Variants in PTPRG observed in about 807,000 individuals in gnomAD.
PTPRG encodes the protein protein tyrosine phosphatase receptor type G.
Under a neutral mutation model 165.3 loss-of-function variants are expected in PTPRG, and 102 were observed. That is an observed-to-expected ratio of 0.62 (90% CI 0.53 to 0.73). The LOEUF is 0.73. Ranked by LOEUF, PTPRG falls within the 30% of genes least tolerant of loss-of-function variation. The pLI is 0.00. For missense variants in PTPRG, 1,866 were observed against 1,861.4 expected, an observed-to-expected ratio of 1.00 and a Z score of -0.05; for synonymous variants, 675 against 669.5, an observed-to-expected ratio of 1.01 and a Z score of -0.13.
At chr3:62,181,239 C>G (rs1009536957) in intron 8 of PTPRG, among the ~76,000 whole-genome samples, 1 of 152,164 alleles carries the variant, frequency 6.6e-6, no homozygotes, top group South Asian at 2.1e-4. Flanking sequence ...AAGAAGGTGG[C>G]GGGCTAGCCA....
intron 1 of PTPRG, chr3:61,742,730 C>T (rs999657735): frequency 4.3e-6 from 7 of 1,609,910 alleles, no homozygotes; most frequent in Middle Eastern, 1.7e-4. Context: ...TTATTTAGAC[C>T]TGGGCCGAGG....
intron 1 of PTPRG, among the ~76,000 whole-genome samples, chr3:61,649,675 AT>A (rs1252955618): frequency 6.6e-6 from 1 of 152,236 alleles, no homozygotes; most frequent in African/African-American, 2.4e-5. Flanking sequence ...GCAGGGCTAA[AT>A]CAGCATAATA....
At chr3:61,988,935 T>G (rs1420995231) in intron 2 of PTPRG, among the ~76,000 whole-genome samples, 1 of 152,232 alleles carries the variant, frequency 6.6e-6, no homozygotes, top group Non-Finnish European at 1.5e-5. Context: ...CTTCATTTAT[T>G]TCTGTGGCAT....
intron 2 of PTPRG, among the ~76,000 whole-genome samples, chr3:61,933,252 C>T (rs908192465): frequency 6.6e-6 from 1 of 152,146 alleles, no homozygotes; most frequent in East Asian, 1.9e-4. Context: ...GGTGGTGAAT[C>T]AAAATGATGC....
chr3:62,170,183 T>C (rs1705163040), intron 8 of PTPRG, among the ~76,000 whole-genome samples: 1 of 152,100 alleles, frequency 6.6e-6, no homozygotes, highest in Non-Finnish European at 1.5e-5. Flanking sequence ...CTCACAAACC[T>C]GTGAAATATC....
intron 1 of PTPRG, among the ~76,000 whole-genome samples, chr3:61,622,494 C>A (rs1329112612): frequency 2.0e-5 from 3 of 151,956 alleles, no homozygotes; most frequent in African/African-American, 7.3e-5. Flanking sequence ...TTAGGACCTG[C>A]CACCCATTTT....
At chr3:62,092,916 C>G (rs1701989839) in intron 5 of PTPRG, among the ~76,000 whole-genome samples, 1 of 152,192 alleles carries the variant, frequency 6.6e-6, no homozygotes, top group Non-Finnish European at 1.5e-5. Flanking sequence ...GAAAGGCATT[C>G]TCACCTAACA....
At chr3:61,987,876 T>C (rs2040799032) in intron 2 of PTPRG, among the ~76,000 whole-genome samples, 1 of 152,118 alleles carries the variant, frequency 6.6e-6, no homozygotes, top group African/African-American at 2.4e-5. Context: ...AATATGTAGA[T>C]GCAAGATGAA....
At chr3:62,103,833 T>C (rs1427490544) in intron 5 of PTPRG, among the ~76,000 whole-genome samples, 1 of 152,224 alleles carries the variant, frequency 6.6e-6, no homozygotes, top group African/African-American at 2.4e-5. Flanking sequence ...TCTCAACAGC[T>C]TGTAGAGTGT....
intron 2 of PTPRG, among the ~76,000 whole-genome samples, chr3:61,838,055 A>G (rs1266479526): frequency 1.3e-5 from 2 of 152,194 alleles, no homozygotes; most frequent in African/African-American, 2.4e-5. Context: ...GAGGGCTTCA[A>G]CATATGAATG....
At chr3:62,056,769 C>A (rs1308139938) in intron 4 of PTPRG, among the ~76,000 whole-genome samples, 1 of 152,162 alleles carries the variant, frequency 6.6e-6, no homozygotes. Flanking sequence ...AGAGGAATGA[C>A]ATGTGGCTAA....
intron 28 of PTPRG, 26 bp from the exon 29 acceptor site, chr3:62,292,395 T>C (rs1702928565): frequency 6.2e-7 from 1 of 1,601,016 alleles, no homozygotes; most frequent in Admixed American, 1.7e-5. Flanking sequence ...ACATCTGAAA[T>C]CGTATCTTTT....
chr3:61,858,213 T>G (rs974313974), intron 2 of PTPRG, among the ~76,000 whole-genome samples: 2 of 152,162 alleles, frequency 1.3e-5, no homozygotes, highest in African/African-American at 4.8e-5. Flanking sequence ...TAGTACTGAA[T>G]AGGAAAGCCA....
chr3:61,885,463 C>T (rs2038002410), intron 2 of PTPRG, among the ~76,000 whole-genome samples: 3 of 151,158 alleles, frequency 2.0e-5, no homozygotes, highest in Non-Finnish European at 2.9e-5. Context: ...CGTGAGGACT[C>T]GTGTATGTGC....
intron 1 of PTPRG, among the ~76,000 whole-genome samples, chr3:61,595,981 C>T (rs925581174): frequency 6.6e-6 from 1 of 152,142 alleles, no homozygotes; most frequent in Non-Finnish European, 1.5e-5. Flanking sequence ...GTAATTTATA[C>T]ATAGCCTACG....
chr3:61,823,922 C>T (rs535497849), intron 2 of PTPRG, among the ~76,000 whole-genome samples: 235 of 152,106 alleles, frequency 1.5e-3, no homozygotes, highest in African/African-American at 5.2e-3. Context: ...GTCAGGAGAT[C>T]GAGACCATCC....
chr3:62,148,307 G>A (rs1704198121), intron 6 of PTPRG, among the ~76,000 whole-genome samples: 1 of 152,122 alleles, frequency 6.6e-6, no homozygotes, highest in Non-Finnish European at 1.5e-5. Context: ...GCAGGTAGGT[G>A]GTCAGCAAGG....
intron 2 of PTPRG, among the ~76,000 whole-genome samples, chr3:61,944,087 T>C (rs1379877949): frequency 2.6e-5 from 4 of 152,322 alleles, no homozygotes; most frequent in Non-Finnish European, 5.9e-5. Flanking sequence ...CTCAACACTA[T>C]TGACATTTTG....
chr3:62,020,271 C>G (rs552150124), intron 4 of PTPRG, among the ~76,000 whole-genome samples: 2 of 152,182 alleles, frequency 1.3e-5, no homozygotes, highest in South Asian at 2.1e-4. Flanking sequence ...CTACTTGTAC[C>G]TTGCTGCATT....
Sources: gnomAD v4.1 joint callset for allele counts (sites outside exome capture counted in the v4.1 genomes callset) on GRCh38, gnomAD v4.1.1 for gene constraint, MANE v1.5 for transcripts, NCBI Gene and HGNC (gene_info 2026-07-23, HGNC 2026-07-21) for gene names.